AUTS2: variants seen among roughly 807,000 people sequenced by gnomAD.
AUTS2 encodes the protein activator of transcription and developmental regulator AUTS2.
A neutral mutation model predicts 112.4 loss-of-function variants in AUTS2; 17 were observed. The observed-to-expected ratio is 0.15, with a 90% CI of 0.10 to 0.23. The LOEUF (loss-of-function observed/expected upper bound fraction) is 0.23, where lower values mean the gene tolerates loss of function less well. AUTS2 is among the 10% of genes least tolerant of loss of function. The pLI, the probability that AUTS2 is intolerant of heterozygous loss-of-function variation, is 1.00. For missense variants in AUTS2, 1,510 were observed against 1,701.6 expected, an observed-to-expected ratio of 0.89 and a Z score of 1.98; for synonymous variants, 751 against 702.7, an observed-to-expected ratio of 1.07 and a Z score of -1.09.
At chr7:70,720,283 C>T (rs1810593626) in intron 6 of AUTS2, among the ~76,000 whole-genome samples, 1 of 151,892 alleles carries the variant, frequency 6.6e-6, no homozygotes, top group Non-Finnish European at 1.5e-5. Context: ...TATTCACAAG[C>T]CTCAAGAGTT....
chr7:70,167,325 A>C (rs890585474), intron 4 of AUTS2, among the ~76,000 whole-genome samples: 5 of 152,210 alleles, frequency 3.3e-5, no homozygotes, highest in Admixed American at 3.3e-4. Flanking sequence ...GGTATCACAC[A>C]CAATATAGTG....
Position 69,876,349 on chromosome 7 carries a change from A to AAAT in AUTS2, c.310-22936_310-22935insATA, listed in dbSNP as rs1554396465. ...TCAAAAAAAAAAAAAAAAAAAAAAA[A>AAAT]ATATATATATATATATATATATATA... On this transcript the variant is annotated intron_variant, in intron 1 of 18. Transcript: ENST00000342771. 9.5e-4 allele frequency among the ~76,000 whole-genome samples: 28 copies of AAAT among 29,500 alleles called. 2 individuals are homozygous for AAAT. The highest frequency in any genetic ancestry group is 2.9e-3 in the African/African-American group (20 of 6,832). The allele number at this position is 29,500 out of a possible 152,430, so 19.4% of individuals were successfully genotyped here.
In AUTS2 at chr7:69,876,482, GTGTATATATATATATATATATATATATA is replaced by G. The variant is rs1793791057; in HGVS notation, c.310-22802_310-22775del. ...ATTATATATATACATAAAATATTTT[GTGTATATATATATATATATATATATATA>G]TATATATATATATATATATATATAT... On this transcript the variant is annotated intron_variant, in intron 1 of 18. Transcript: ENST00000342771. Among the ~76,000 whole-genome samples the G allele has an allele frequency of 1.3e-4, 5 of 37,956 alleles. 1 individual carries two copies. The highest frequency in any genetic ancestry group is 6.9e-4 in the African/African-American group (5 of 7,228). 24.9% of individuals were successfully genotyped at this position (37,956 alleles called of 152,430 possible). A position where few individuals can be genotyped will look rare whatever the true frequency, so the allele number is the denominator to read the frequency against.
At chr7:70,031,904 C>T (rs752632453) in intron 2 of AUTS2, among the ~76,000 whole-genome samples, 2 of 152,114 alleles carry the variant, frequency 1.3e-5, no homozygotes, top group Non-Finnish European at 2.9e-5. Flanking sequence ...TCACCACTTC[C>T]ACTACCACTG....
At chr7:70,482,755 A>G (rs1353482034) in intron 5 of AUTS2, among the ~76,000 whole-genome samples, 1 of 152,182 alleles carries the variant, frequency 6.6e-6, no homozygotes, top group African/African-American at 2.4e-5. Context: ...GGCTGTTTCA[A>G]TAAGAGTGAG....
intron 1 of AUTS2, among the ~76,000 whole-genome samples, chr7:69,666,332 C>T (rs1357621060): frequency 6.6e-6 from 1 of 152,168 alleles, no homozygotes; most frequent in Non-Finnish European, 1.5e-5. Flanking sequence ...GAACTATTGC[C>T]TTACCCTGGA....
At chr7:70,174,350 A>C (rs1345185528) in intron 4 of AUTS2, among the ~76,000 whole-genome samples, 1 of 152,218 alleles carries the variant, frequency 6.6e-6, no homozygotes. Context: ...AGTGTGGTTT[A>C]AGAGGTTTAA....
chr7:70,605,643 T>C (rs1803718831), intron 5 of AUTS2, among the ~76,000 whole-genome samples: 1 of 150,574 alleles, frequency 6.6e-6, no homozygotes, highest in African/African-American at 2.4e-5. Context: ...ACTTTTCTAG[T>C]AAGTAGTGGA....
chr7:69,712,007 G>C (rs995488483), intron 1 of AUTS2, among the ~76,000 whole-genome samples: 1 of 152,098 alleles, frequency 6.6e-6, no homozygotes, highest in Non-Finnish European at 1.5e-5. Context: ...GTCAAATTTA[G>C]CTTTGATGTC....
chr7:70,218,810 C>A (rs969323693), intron 4 of AUTS2, among the ~76,000 whole-genome samples: 4 of 152,096 alleles, frequency 2.6e-5, no homozygotes, highest in African/African-American at 4.8e-5. Flanking sequence ...GCCACCTGAC[C>A]ATCAGCCAGA....
At chr7:69,816,584 T>C (rs986765307) in intron 1 of AUTS2, among the ~76,000 whole-genome samples, 3 of 152,194 alleles carry the variant, frequency 2.0e-5, no homozygotes, top group African/African-American at 7.2e-5. Flanking sequence ...GGTACTAATA[T>C]CTTGGATCCT....
At chr7:69,804,864 G>A (rs1790232594) in intron 1 of AUTS2, among the ~76,000 whole-genome samples, 1 of 152,170 alleles carries the variant, frequency 6.6e-6, no homozygotes, top group Admixed American at 6.5e-5. Context: ...GCTCTACCAT[G>A]ACTTCCTGAA....
intron 5 of AUTS2, among the ~76,000 whole-genome samples, chr7:70,439,538 C>CAAAAAAAAA (rs71077657): frequency 2.7e-5 from 2 of 73,304 alleles, no homozygotes; most frequent in Non-Finnish European, 5.1e-5. Context: ...GACTCCATCT[C>CAAAAAAAAA]AAAAAAAAAA....
chr7:70,718,578 A>G (rs1165674693), intron 6 of AUTS2, among the ~76,000 whole-genome samples: 1 of 152,132 alleles, frequency 6.6e-6, no homozygotes, highest in Non-Finnish European at 1.5e-5. Context: ...CACAAGAATC[A>G]CTTGAACCTG....
At chr7:69,619,474 T>G (rs773313942) in intron 1 of AUTS2, among the ~76,000 whole-genome samples, 1 of 152,176 alleles carries the variant, frequency 6.6e-6, no homozygotes, top group Non-Finnish European at 1.5e-5. Context: ...GGATGGTAGT[T>G]GAGGGCCTTT....
At chr7:70,594,408 G>C (rs1468904788) in intron 5 of AUTS2, among the ~76,000 whole-genome samples, 1 of 152,152 alleles carries the variant, frequency 6.6e-6, no homozygotes, top group Non-Finnish European at 1.5e-5. Context: ...CTGACATCTG[G>C]GTTCCTGGAT....
intron 1 of AUTS2, among the ~76,000 whole-genome samples, chr7:69,742,550 A>G (rs779103870): frequency 6.6e-5 from 10 of 152,114 alleles, no homozygotes; most frequent in Admixed American, 3.3e-4. Flanking sequence ...AACTTTTTAC[A>G]TTATTTTCTT....
chr7:70,388,264 A>T (rs1160407734), intron 4 of AUTS2, among the ~76,000 whole-genome samples: 1 of 152,154 alleles, frequency 6.6e-6, no homozygotes. Context: ...GTAGGAAAGG[A>T]CATTTAGCAC....
In AUTS2 at chr7:70,711,205, G is replaced by A. The variant is rs73706450; in HGVS notation, c.742+12585G>A. ...CCTTCTCAGGGCCCTCCAGGTTGAGGGAAGACAGCTTTACACCTCCACCTT... is the reference window on the plus strand; with the variant it reads ...CCTTCTCAGGGCCCTCCAGGTTGAGAGAAGACAGCTTTACACCTCCACCTT... On this transcript the variant is annotated intron_variant, in intron 6 of 18. Transcript: ENST00000342771. Among the ~76,000 whole-genome samples, 285 of 152,252 alleles carry A rather than the reference G, an allele frequency of 1.9e-3. 3 individuals carry two copies. Among genetic ancestry groups the A allele is most frequent in the African/African-American group, 6.7e-3 (279 of 41,532 alleles).
Sources: allele counts gnomAD v4.1 joint callset (sites outside exome capture counted in the v4.1 genomes callset), GRCh38; gene constraint gnomAD v4.1.1; transcripts MANE v1.5; gene names NCBI Gene and HGNC (gene_info 2026-07-23, HGNC 2026-07-21).